The following ADNP variants were observed in gnomAD, a reference collection of about 807,000 sequenced individuals.
ADNP encodes activity-dependent neuroprotector homeobox protein.
A neutral mutation model predicts 84.9 loss-of-function variants in ADNP; 4 were observed. The ratio of observed to expected loss-of-function variants is 0.05; its 90% CI spans 0.02 to 0.11. The LOEUF is 0.11. Ranked by LOEUF, ADNP falls within the 10% of genes least tolerant of loss-of-function variation. ADNP has a pLI of 1.00. For synonymous variants in ADNP, 554 were observed against 468.1 expected (o/e 1.18, Z -2.37); for missense variants, 1,132 against 1,326.0 (o/e 0.85, Z 2.27).
rs766686092 is a variant in ADNP at position 50,892,384 on chromosome 20, T to C, written c.2330A>G (p.Lys777Arg). Residue 777 changes from lysine to arginine, a missense_variant, in exon 6 of 6, where the codon AAA (lysine) becomes AGA (arginine). Around this residue, in one of 10 missense-constraint regions of ADNP, gnomAD observed 41 missense variants for 78.4 expected, o/e 0.52. Transcript: ENST00000621696. ...TTCTCTCCTGGTGGGATAGGGCTGT[T>C]TGTTGAAATACTTTGTTAGAAAGCT... is the stretch of plus-strand genomic sequence containing the variant. Reference protein sequence around the residue: ...RKSFLTKYFNKQPYPTRREIE... With the variant: ...RKSFLTKYFNRQPYPTRREIE... 8.7e-6 allele frequency: 14 copies of C among 1,614,084 alleles called. No homozygotes were observed. In the East Asian group the frequency reaches 2.9e-4, roughly 33 times the overall value.
chr20:50,928,383 T>C (rs1242127060), intron 2 of ADNP, among the ~76,000 whole-genome samples: 1 of 152,244 alleles, frequency 6.6e-6, no homozygotes, highest in East Asian at 1.9e-4. Flanking sequence ...TAATAGTAAC[T>C]GAATACTTAT....
intron 2 of ADNP, among the ~76,000 whole-genome samples, chr20:50,906,212 AACAG>A (rs1473161621): frequency 2.0e-5 from 3 of 152,238 alleles, no homozygotes; most frequent in African/African-American, 7.2e-5. Context: ...CCATCTCAAA[AACAG>A]ACAAACAAAA....
chr20:50,912,852 G>T (rs1478070495), intron 2 of ADNP, among the ~76,000 whole-genome samples: 1 of 149,814 alleles, frequency 6.7e-6, no homozygotes, highest in Non-Finnish European at 1.5e-5. Context: ...CCCTAAAGTT[G>T]TAAAGAAAAA....
Position 50,889,268 on chromosome 20 carries a change from G to A in ADNP, c.*2137C>T, listed in dbSNP as rs1045809872. The A allele has an allele frequency of 6.6e-6, 1 of 152,192 alleles. No individual in the cohort carries two copies. The highest frequency in any genetic ancestry group is 2.4e-5 in the African/African-American group (1 of 41,452). The allele number at this position is 152,192 out of a possible 1,614,324, so 9.4% of individuals were successfully genotyped here. A position where few individuals can be genotyped will look rare whatever the true frequency, so the allele number is the denominator to read the frequency against. ...GTGGTGTCTTGTACAAGTCTCATTA[G>A]TCCTCCACGTACAACTCAGAAGCCT... is the stretch of plus-strand genomic sequence containing the variant. On this transcript the variant is annotated 3_prime_UTR_variant, in exon 6 of 6. Coordinates refer to ENST00000621696, the MANE Select transcript of ADNP (RefSeq NM_001282531.3).
At chr20:50,899,758 T>C (rs191575809) in intron 5 of ADNP, among the ~76,000 whole-genome samples, 1 of 150,172 alleles carries the variant, frequency 6.7e-6, no homozygotes, top group Non-Finnish European at 1.5e-5. Flanking sequence ...ATTATGTCTG[T>C]GTCTTAGTTT....
intron 2 of ADNP, among the ~76,000 whole-genome samples, chr20:50,925,014 G>A (rs994931880): frequency 2.0e-5 from 3 of 152,006 alleles, no homozygotes; most frequent in African/African-American, 7.3e-5. Context: ...TTCTTGAGAG[G>A]TTCCAGGCTT....
chr20:50,930,120 TCATTA>T (rs1276969204), intron 1 of ADNP, among the ~76,000 whole-genome samples: 10 of 152,092 alleles, frequency 6.6e-5, no homozygotes, highest in Admixed American at 5.2e-4. Context: ...TACTCCCCAT[TCATTA>T]CATTAAAAAA....
In ADNP at chr20:50,902,000, T is replaced by C. The variant is rs751274453; in HGVS notation, c.201+17A>G. On this transcript the variant is annotated intron_variant, in intron 5 of 5. Coordinates refer to ENST00000621696, the MANE Select transcript of ADNP (RefSeq NM_001282531.3). ...CCAAGCATGCTGCCATCTGAGGAAG[T>C]CTCCTGTGCCACTTACCTGGTTTTT... is the stretch of plus-strand genomic sequence containing the variant. 1.3e-6 allele frequency: 2 copies of C among 1,580,038 alleles called. No homozygotes were observed. Among genetic ancestry groups the C allele is most frequent in the Admixed American group, 3.3e-5 (2 of 59,938 alleles).
chr20:50,903,076 C>T (rs1223019304), intron 4 of ADNP, among the ~76,000 whole-genome samples: 1 of 152,208 alleles, frequency 6.6e-6, no homozygotes, highest in Non-Finnish European at 1.5e-5. Context: ...TTACTGATCA[C>T]CTATTACGTG....
chr20:50,902,667 T>C (rs1330582876), intron 4 of ADNP, among the ~76,000 whole-genome samples: 1 of 152,200 alleles, frequency 6.6e-6, no homozygotes, highest in Non-Finnish European at 1.5e-5. Context: ...TCCACTTCCC[T>C]CCAGACTAGG....
rs6096174 is a variant in ADNP, at chr20:50,903,764, C to T, written c.108+125G>A. ...AAGTTAATGCTATTGAGAATGTTTT[C>T]GTGAAGCTACTGCTGTGGCTGAAAT... On this transcript the variant is annotated intron_variant, in intron 4 of 5. Coordinates refer to ENST00000621696, the MANE Select transcript of ADNP (RefSeq NM_001282531.3). 156 of 699,330 alleles carry T rather than the reference C, an allele frequency of 2.2e-4. No homozygotes were observed. The African/African-American group carries it at 2.6e-3, about 11-fold the overall frequency. The allele number at this position is 699,330 out of a possible 1,614,324, so 43.3% of individuals were successfully genotyped here.
intron 3 of ADNP, 125 bp downstream of exon 3, chr20:50,904,638 TAAC>T (rs1182877748): frequency 3.3e-5 from 5 of 152,238 alleles, no homozygotes; most frequent in Non-Finnish European, 7.3e-5. Context: ...TGATAAGACT[TAAC>T]AACAGTTCAG....
rs1487046722 is a variant in ADNP at position 50,891,490 on chromosome 20, T to TC, written c.3223dup (p.Glu1075GlyfsTer4). On this transcript the variant is annotated frameshift_variant, in exon 6 of 6. Coordinates refer to ENST00000621696, the MANE Select transcript of ADNP (RefSeq NM_001282531.3). LOFTEE classifies it high-confidence loss of function. ...TCCATCAGTCATGTTGTCAAACTGTTCCCCATCCTCACTGTCAATTGTGCT... is the reference window on the plus strand; with the variant it reads ...TCCATCAGTCATGTTGTCAAACTGTTCCCCCATCCTCACTGTCAATTGTGCT... 1 of 1,612,600 alleles carries TC rather than the reference T, an allele frequency of 6.2e-7. No individual in the cohort carries two copies. Among genetic ancestry groups the TC allele is most frequent in the Non-Finnish European group, 8.5e-7 (1 of 1,180,014 alleles).
At chr20:50,916,339 C>A (rs1362209475) in intron 2 of ADNP, among the ~76,000 whole-genome samples, 1 of 152,220 alleles carries the variant, frequency 6.6e-6, no homozygotes, top group Non-Finnish European at 1.5e-5. Context: ...TCATTCCACA[C>A]TGGACAGCTT....
chr20:50,919,844 G>C (rs142571382), intron 2 of ADNP, among the ~76,000 whole-genome samples: 1 of 152,194 alleles, frequency 6.6e-6, no homozygotes, highest in Non-Finnish European at 1.5e-5. Flanking sequence ...AACAAGGAAC[G>C]ACATGATTGG....
intron 2 of ADNP, among the ~76,000 whole-genome samples, chr20:50,922,578 G>A (rs77302010): frequency 0.022 from 2,768 of 125,462 alleles, 88 homozygotes; most frequent in African/African-American, 0.078. Flanking sequence ...GTCCTCCTGC[G>A]TTTTTTTTTT....
chr20:50,901,956 G>T, intron 5 of ADNP, 61 bp downstream of exon 5: 1 of 1,250,772 alleles, frequency 8.0e-7, no homozygotes, highest in South Asian at 1.2e-5. Context: ...AAAAGGCCTA[G>T]AGCTGAAAAG....
At chr20:50,919,312 T>TATATATATATATATAC (rs1983769967) in intron 2 of ADNP, among the ~76,000 whole-genome samples, 1 of 147,654 alleles carries the variant, frequency 6.8e-6, no homozygotes. Context: ...TATATATATA[T>TATATATATATATATAC]ATATGTAAAA....
At chr20:50,905,491 G>T (rs781565847) in intron 2 of ADNP, 3 of 151,924 alleles carry the variant, frequency 2.0e-5, no homozygotes, top group Non-Finnish European at 4.4e-5. Context: ...CAAAATCAAC[G>T]TTAACTATAA....
Sources: gnomAD v4.1 joint callset for allele counts (sites outside exome capture counted in the v4.1 genomes callset) on GRCh38, gnomAD v4.1.1 for gene constraint, gnomAD v4.1.1 regional missense constraint, MANE v1.5 for transcripts, NCBI Gene and HGNC (gene_info 2026-07-23, HGNC 2026-07-21) for gene names.